LRP1B: variants seen among roughly 807,000 people sequenced by gnomAD.
The protein encoded by LRP1B is LDL receptor related protein 1B.
LRP1B carries 217 observed loss-of-function variants against 556.6 expected under a neutral mutation model. The ratio of observed to expected loss-of-function variants is 0.39; its 90% CI spans 0.35 to 0.44. The LOEUF is 0.44. Ranked by LOEUF, LRP1B falls within the 20% of genes least tolerant of loss-of-function variation. LRP1B has a pLI of 1.00. For missense variants in LRP1B, 5,053 were observed against 5,620.8 expected (o/e 0.90, Z 3.23); for synonymous variants, 2,047 against 1,865.8 (o/e 1.10, Z -2.50).
intron 57 of LRP1B, among the ~76,000 whole-genome samples, chr2:140,488,155 G>A (rs1407312335): frequency 1.3e-5 from 2 of 151,942 alleles, no homozygotes; most frequent in Admixed American, 1.3e-4. Flanking sequence ...TGAAAAGGTA[G>A]ATCATCTGAT....
At chr2:140,412,602 A>AT (rs1422934414) in intron 66 of LRP1B, among the ~76,000 whole-genome samples, 1 of 152,068 alleles carries the variant, frequency 6.6e-6, no homozygotes, top group Non-Finnish European at 1.5e-5. Context: ...AGTACCCACT[A>AT]TGTGTCAGAT....
chr2:140,808,345 A>AT (rs112108407), intron 32 of LRP1B, among the ~76,000 whole-genome samples: 175 of 147,070 alleles, frequency 1.2e-3, no homozygotes, highest in African/African-American at 4.4e-3. Flanking sequence ...TATGTTTTAT[A>AT]TTTTTTTAAA....
At chr2:141,947,253 G>A (rs191529247) in intron 1 of LRP1B, among the ~76,000 whole-genome samples, 1 of 152,190 alleles carries the variant, frequency 6.6e-6, no homozygotes, top group Non-Finnish European at 1.5e-5. Context: ...CCAACATGGT[G>A]AAACTGTGTC....
chr2:141,024,445 C>T (rs1297553860), intron 11 of LRP1B, among the ~76,000 whole-genome samples: 1 of 151,964 alleles, frequency 6.6e-6, no homozygotes, highest in Non-Finnish European at 1.5e-5. Flanking sequence ...ATAGTGGTTT[C>T]CTTCCATTAT....
At chr2:141,123,241 T>TAA (rs11397293) in intron 7 of LRP1B, among the ~76,000 whole-genome samples, 3 of 143,204 alleles carry the variant, frequency 2.1e-5, no homozygotes, top group South Asian at 2.2e-4. Context: ...TAAAGTATAA[T>TAA]AAAAAAAAAT....
intron 1 of LRP1B, among the ~76,000 whole-genome samples, chr2:142,099,216 G>A (rs548799103): frequency 9.0e-4 from 137 of 151,928 alleles, no homozygotes; most frequent in African/African-American, 3.3e-3. Context: ...CAAATTAAAC[G>A]TGATTCCTTG....
At chr2:141,754,674 T>G (rs1396524143) in intron 2 of LRP1B, among the ~76,000 whole-genome samples, 3 of 152,156 alleles carry the variant, frequency 2.0e-5, no homozygotes, top group Non-Finnish European at 2.9e-5. Context: ...TGTCCCTCCC[T>G]TTAGTGGTGC....
At chr2:141,798,292 ATTC>A (rs1327060584) in intron 2 of LRP1B, among the ~76,000 whole-genome samples, 1 of 152,212 alleles carries the variant, frequency 6.6e-6, no homozygotes, top group Admixed American at 6.5e-5. Flanking sequence ...TTATCATACT[ATTC>A]TTCTGATTTT....
intron 1 of LRP1B, among the ~76,000 whole-genome samples, chr2:142,006,769 A>G (rs1702816504): frequency 6.6e-6 from 1 of 152,064 alleles, no homozygotes; most frequent in Non-Finnish European, 1.5e-5. Flanking sequence ...CTTGTTATAT[A>G]CTGGTTTGCT....
chr2:141,741,763 A>G (rs1288096256), intron 2 of LRP1B, among the ~76,000 whole-genome samples: 1 of 151,990 alleles, frequency 6.6e-6, no homozygotes, highest in Non-Finnish European at 1.5e-5. Flanking sequence ...TTTGTTAATT[A>G]TTTCCTTTGC....
At chr2:141,965,850 G>A (rs1574540138) in intron 1 of LRP1B, among the ~76,000 whole-genome samples, 1 of 145,590 alleles carries the variant, frequency 6.9e-6, no homozygotes, top group African/African-American at 2.5e-5. Flanking sequence ...GCAAAGCCTT[G>A]GCCAACTCTC....
chr2:140,302,316 G>A (rs1477594916), intron 83 of LRP1B, among the ~76,000 whole-genome samples: 1 of 151,990 alleles, frequency 6.6e-6, no homozygotes, highest in African/African-American at 2.4e-5. Context: ...CTCCTTGTAT[G>A]TTTCCATGTT....
At chr2:141,372,377 T>C (rs1337043906) in intron 3 of LRP1B, among the ~76,000 whole-genome samples, 1 of 152,124 alleles carries the variant, frequency 6.6e-6, no homozygotes, top group Non-Finnish European at 1.5e-5. Flanking sequence ...GGGTTTCATA[T>C]CAGGGTGATA....
chr2:140,907,544 A>G (rs984818681), intron 22 of LRP1B, among the ~76,000 whole-genome samples: 1 of 152,264 alleles, frequency 6.6e-6, no homozygotes, highest in East Asian at 1.9e-4. Flanking sequence ...AGGAACAACA[A>G]GTTTTCCTTG....
chr2:141,045,450 TAA>T (rs61599256), intron 11 of LRP1B, among the ~76,000 whole-genome samples: 43 of 150,612 alleles, frequency 2.9e-4, no homozygotes, highest in East Asian at 1.6e-3. Flanking sequence ...ATTAATTAAT[TAA>T]AAAAAAAAGA....
chr2:141,929,912 CAAAAAAAAA>C (rs70994467), intron 1 of LRP1B, among the ~76,000 whole-genome samples: 4 of 104,134 alleles, frequency 3.8e-5, no homozygotes, highest in African/African-American at 1.1e-4. Flanking sequence ...CGGATGGAAA[CAAAAAAAAA>C]AAAAAAAAAA....
chr2:140,673,485 G>GT (rs1685559490), intron 41 of LRP1B, among the ~76,000 whole-genome samples: 1 of 152,070 alleles, frequency 6.6e-6, no homozygotes, highest in African/African-American at 2.4e-5. Flanking sequence ...AGTTAATACA[G>GT]TTTTTTCCAC....
chr2:140,494,293 C>T (rs1028844255), intron 56 of LRP1B, among the ~76,000 whole-genome samples: 2 of 152,090 alleles, frequency 1.3e-5, no homozygotes, highest in Non-Finnish European at 2.9e-5. Flanking sequence ...AAACATTGGT[C>T]ATTTGTATGA....
intron 26 of LRP1B, 84 bp from the exon 27 acceptor site, chr2:140,867,918 CAAAA>C (rs1559165144): frequency 2.2e-6 from 3 of 1,381,742 alleles, no homozygotes; most frequent in Non-Finnish European, 2.9e-6. Context: ...AGCTAAATGA[CAAAA>C]AAGGTATTTT....
Sources: gnomAD v4.1 joint callset for allele counts (sites outside exome capture counted in the v4.1 genomes callset) on GRCh38, gnomAD v4.1.1 for gene constraint, MANE v1.5 for transcripts, NCBI Gene and HGNC (gene_info 2026-07-23, HGNC 2026-07-21) for gene names.